The following SSH2 variants were observed in gnomAD, a reference collection of about 807,000 sequenced individuals.
The protein encoded by SSH2 is protein phosphatase Slingshot homolog 2.
SSH2 carries 37 observed loss-of-function variants against 135.2 expected under a neutral mutation model. The ratio of observed to expected loss-of-function variants is 0.27; its 90% CI spans 0.21 to 0.36. The LOEUF is 0.36. Ranked by LOEUF, SSH2 falls within the 10% of genes least tolerant of loss-of-function variation. The pLI is 1.00. For synonymous variants in SSH2, 628 were observed against 646.2 expected (o/e 0.97, Z 0.43); for missense variants, 1,408 against 1,765.3 (o/e 0.80, Z 3.63).
intron 11 of SSH2, among the ~76,000 whole-genome samples, chr17:29,666,555 C>T (rs1425504641): frequency 6.6e-6 from 1 of 151,998 alleles, no homozygotes; most frequent in Non-Finnish European, 1.5e-5. Flanking sequence ...TGGTGGTATG[C>T]ACCTGTAGTC....
intron 2 of SSH2, among the ~76,000 whole-genome samples, chr17:29,827,827 A>T (rs2042773488): frequency 6.6e-6 from 1 of 152,044 alleles, no homozygotes; most frequent in Non-Finnish European, 1.5e-5. Context: ...CTGTAATGTG[A>T]ATGTTTTTCT....
chr17:29,779,101 C>T (rs565888009), intron 3 of SSH2, among the ~76,000 whole-genome samples: 5 of 150,312 alleles, frequency 3.3e-5, no homozygotes, highest in Admixed American at 6.6e-5. Flanking sequence ...TTTTTTCTAA[C>T]GGAAGGAAGG....
chr17:29,838,165 A>C (rs9915830), intron 2 of SSH2, among the ~76,000 whole-genome samples: 1 of 152,192 alleles, frequency 6.6e-6, no homozygotes, highest in East Asian at 1.9e-4. Flanking sequence ...GCAAAGCTGA[A>C]GCTGAGCCTG....
intron 1 of SSH2, among the ~76,000 whole-genome samples, chr17:29,883,864 T>G (rs191670474): frequency 7.9e-5 from 12 of 152,336 alleles, no homozygotes; most frequent in African/African-American, 2.2e-4. Context: ...CTGCATACTT[T>G]AAAAACAAGA....
At position 29,793,947 on chromosome 17, in the gene SSH2, C is replaced by T; in HGVS notation, c.145-10G>A. 1 of 1,601,432 alleles carries T rather than the reference C, an allele frequency of 6.2e-7. No individual in the cohort carries two copies. The highest frequency in any genetic ancestry group is 8.5e-7 in the Non-Finnish European group (1 of 1,172,480). On this transcript the variant is annotated splice_polypyrimidine_tract_variant and intron_variant, in intron 2 of 15. Coordinates refer to ENST00000540801, the MANE Select transcript of SSH2 (RefSeq NM_001282129.2). ...CCCCACTGTCTGCCTCCTGTATAGA[C>T]AGAAAATGAAAAAAAAAATTAAAAC...
chr17:29,776,922 A>T (rs1205917243), intron 3 of SSH2, among the ~76,000 whole-genome samples: 1 of 152,264 alleles, frequency 6.6e-6, no homozygotes, highest in African/African-American at 2.4e-5. Flanking sequence ...CTAAAATTTT[A>T]AATTCATGGC....
At chr17:29,683,111 T>A (rs1465631678) in intron 6 of SSH2, among the ~76,000 whole-genome samples, 1 of 152,158 alleles carries the variant, frequency 6.6e-6, no homozygotes, top group Non-Finnish European at 1.5e-5. Context: ...CCTCTCTTTG[T>A]GGCTAAATTT....
intron 3 of SSH2, among the ~76,000 whole-genome samples, chr17:29,758,203 A>T (rs1221020545): frequency 6.6e-6 from 1 of 152,254 alleles, no homozygotes; most frequent in Non-Finnish European, 1.5e-5. Flanking sequence ...AGATTTCAGC[A>T]GTCAAAGATA....
At chr17:29,763,495 TAAA>T (rs541851534) in intron 3 of SSH2, among the ~76,000 whole-genome samples, 9 of 135,510 alleles carry the variant, frequency 6.6e-5, no homozygotes, top group Admixed American at 7.4e-5. Context: ...CTGCTGTGAT[TAAA>T]AAAAAAAAAA....
chr17:29,787,048 G>A lies in SSH2; in HGVS notation c.188+6846C>T, dbSNP rs181689353. Among the ~76,000 whole-genome samples the A allele has an allele frequency of 2.0e-3, 298 of 152,150 alleles. 2 individuals carry two copies. Among genetic ancestry groups the A allele is most frequent in the Non-Finnish European group, 1.9e-3 (128 of 68,004 alleles). ...TGTACAGTTCACTGGCATTAAGTAC[G>A]TTCACAATGTTGTGCAACCACCACC... On this transcript the variant is annotated intron_variant, in intron 3 of 15. Coordinates refer to ENST00000540801, the MANE Select transcript of SSH2 (RefSeq NM_001282129.2).
chr17:29,735,080 C>T (rs2040321109), intron 3 of SSH2, among the ~76,000 whole-genome samples: 4 of 152,138 alleles, frequency 2.6e-5, no homozygotes, highest in African/African-American at 4.8e-5. Context: ...CAGATGAAAG[C>T]TATGGCCTTT....
At chr17:29,641,125 G>A (rs142534355) in intron 14 of SSH2, among the ~76,000 whole-genome samples, 1 of 152,150 alleles carries the variant, frequency 6.6e-6, no homozygotes, top group African/African-American at 2.4e-5. Flanking sequence ...GGACCAGGCT[G>A]GTCTCAAACT....
At chr17:29,728,843 A>T (rs950758474) in intron 3 of SSH2, among the ~76,000 whole-genome samples, 6 of 152,242 alleles carry the variant, frequency 3.9e-5, no homozygotes, top group Admixed American at 6.5e-5. Context: ...ACTGATGTCC[A>T]TATGCAGAAG....
intron 2 of SSH2, among the ~76,000 whole-genome samples, chr17:29,845,942 T>A (rs2043126183): frequency 6.6e-6 from 1 of 152,172 alleles, no homozygotes; most frequent in Non-Finnish European, 1.5e-5. Context: ...GAAAATATTC[T>A]TCATGTAGAT....
rs530786270 is a variant in SSH2 at position 29,898,256 on chromosome 17, G to A, written c.63+31682C>T. ...GAGCAATCACATTCAAAAGCTAGCAGAAGGCAAGAAATAACTAAGATCAGA... is the reference window on the plus strand; with the variant it reads ...GAGCAATCACATTCAAAAGCTAGCAAAAGGCAAGAAATAACTAAGATCAGA... On this transcript the variant is annotated intron_variant, in intron 1 of 15. Coordinates refer to ENST00000540801, the MANE Select transcript of SSH2 (RefSeq NM_001282129.2). Among the ~76,000 whole-genome samples the A allele has an allele frequency of 1.3e-4, 20 of 152,218 alleles. No individual in the cohort carries two copies. In the South Asian group the frequency reaches 4.1e-3, roughly 32 times the overall value.
At chr17:29,654,315 A>C (rs186053689) in intron 12 of SSH2, among the ~76,000 whole-genome samples, 2 of 152,286 alleles carry the variant, frequency 1.3e-5, no homozygotes, top group Non-Finnish European at 2.9e-5. Context: ...AGTTTTATTT[A>C]ACTTCAAATT....
chr17:29,754,643 C>T (rs1054405795), intron 3 of SSH2, among the ~76,000 whole-genome samples: 2 of 152,172 alleles, frequency 1.3e-5, no homozygotes, highest in African/African-American at 4.8e-5. Context: ...CAGAGGTTTT[C>T]ATAATGGGAA....
At chr17:29,865,049 G>A (rs2065831065) in intron 1 of SSH2, among the ~76,000 whole-genome samples, 1 of 152,178 alleles carries the variant, frequency 6.6e-6, no homozygotes, top group African/African-American at 2.4e-5. Context: ...TCACTCCTAT[G>A]AAAACAGTTA....
intron 1 of SSH2, among the ~76,000 whole-genome samples, chr17:29,911,676 C>CA (rs2066768252): frequency 6.6e-6 from 1 of 152,200 alleles, no homozygotes; most frequent in Non-Finnish European, 1.5e-5. Context: ...AACTTACCCC[C>CA]AAAAAACACT....
Sources: allele counts gnomAD v4.1 joint callset (sites outside exome capture counted in the v4.1 genomes callset), GRCh38; gene constraint gnomAD v4.1.1; transcripts MANE v1.5; gene names NCBI Gene and HGNC (gene_info 2026-07-23, HGNC 2026-07-21).